Variants in ADRA1A observed in about 807,000 individuals in gnomAD.
The protein encoded by ADRA1A is adrenoceptor alpha 1A.
A neutral mutation model predicts 29.6 loss-of-function variants in ADRA1A; 31 were observed. That is an observed-to-expected ratio of 1.05 (90% CI 0.79 to 1.41). ADRA1A has a LOEUF of 1.41. Ranked by LOEUF, ADRA1A falls within the 40% of genes most tolerant of loss-of-function variation. ADRA1A has a pLI of 0.00. For synonymous variants in ADRA1A, 311 were observed against 254.3 expected, an observed-to-expected ratio of 1.22 and a Z score of -2.12; for missense variants, 619 against 601.1, an observed-to-expected ratio of 1.03 and a Z score of -0.31.
chr8:26,817,254 A>T (rs1451181647), intron 2 of ADRA1A, among the ~76,000 whole-genome samples: 1 of 152,270 alleles, frequency 6.6e-6, no homozygotes, highest in Non-Finnish European at 1.5e-5. Flanking sequence ...CACCAAAAAG[A>T]TAAGCAAATG....
chr8:26,798,064 C>T (rs902563261), intron 2 of ADRA1A, among the ~76,000 whole-genome samples: 6 of 151,948 alleles, frequency 3.9e-5, no homozygotes, highest in Non-Finnish European at 8.8e-5. Context: ...CTGCAACCTC[C>T]GCCTCCCAGG....
chr8:26,838,655 C>T (rs1811569022), intron 2 of ADRA1A, among the ~76,000 whole-genome samples: 2 of 152,110 alleles, frequency 1.3e-5, no homozygotes, highest in Non-Finnish European at 2.9e-5. Flanking sequence ...AGGAAGCTTC[C>T]CAATGGCACA....
chr8:26,785,547 A>AT (rs11416292), intron 2 of ADRA1A, among the ~76,000 whole-genome samples: 50,702 of 151,320 alleles, frequency 0.34, 9,784 homozygotes, highest in East Asian at 0.84. Flanking sequence ...TGACACATTG[A>AT]TTTTTTTTTC....
At chr8:26,764,288 A>T (rs1805659154), downstream of ADRA1A, among the ~76,000 whole-genome samples, 1 of 152,194 alleles carries the variant, frequency 6.6e-6, no homozygotes, top group Non-Finnish European at 1.5e-5. Flanking sequence ...GGAGCAAACC[A>T]AGAGCCTCCT....
At chr8:26,849,574 A>C (rs1166829834) in intron 2 of ADRA1A, among the ~76,000 whole-genome samples, 1 of 152,224 alleles carries the variant, frequency 6.6e-6, no homozygotes, top group African/African-American at 2.4e-5. Flanking sequence ...CAACAAAGAC[A>C]ATCCATTTCC....
rs1808930293 is a variant in ADRA1A at position 26,805,820 on chromosome 8, A to AT, written c.884-35155dup. On this transcript the variant is annotated intron_variant, in intron 2 of 2. Coordinates refer to ENST00000380573, the MANE Select transcript of ADRA1A (RefSeq NM_000680.4). The surrounding 1 kb of genome is among the most constrained non-coding windows in gnomAD (Gnocchi z 4.8). ...TACTTGAACACATTTATTTTTAACC[A>AT]TTTTCCCCCCCACATAGATTTGGCA... is the stretch of plus-strand genomic sequence containing the variant. Among the ~76,000 whole-genome samples, 1 of 152,110 alleles carries AT rather than the reference A, an allele frequency of 6.6e-6. No individual in the cohort carries two copies. The highest frequency in any genetic ancestry group is 1.5e-5 in the Non-Finnish European group (1 of 68,030).
chr8:26,842,190 G>A (rs754181563), intron 2 of ADRA1A, among the ~76,000 whole-genome samples: 3 of 152,144 alleles, frequency 2.0e-5, no homozygotes, highest in Non-Finnish European at 4.4e-5. Context: ...TAGCCATATG[G>A]AGCTATGGAG....
chr8:26,830,491 T>G (rs1810895812), intron 2 of ADRA1A, among the ~76,000 whole-genome samples: 2 of 152,114 alleles, frequency 1.3e-5, no homozygotes, highest in Admixed American at 1.3e-4. Flanking sequence ...TAAATGGCCA[T>G]GAAAAGATGA....
chr8:26,757,032 C>T lies in ADRA1A; in HGVS notation c.1270-253G>A, dbSNP rs150205883. 4.1e-4 allele frequency: 291 copies of T among 707,672 alleles called. 2 individuals are homozygous for T. In the African/African-American group the frequency reaches 4.7e-3, roughly 11 times the overall value. The allele number at this position is 707,672 out of a possible 1,614,324, so 43.8% of individuals were successfully genotyped here. On this transcript the variant is annotated intron_variant, in intron 2 of 2. Coordinates refer to the ADRA1A transcript ENST00000380582. ...GATGATGCTTTTGGTCTTCTTTCTC[C>T]AAACACTGAAAGAACTGAATACTCT...
intron 2 of ADRA1A, among the ~76,000 whole-genome samples, chr8:26,802,325 A>G (rs1005561846): frequency 6.6e-6 from 1 of 152,208 alleles, no homozygotes; most frequent in Non-Finnish European, 1.5e-5. Context: ...CAAACTATCC[A>G]TCTAAAAAGA....
At chr8:26,772,663 C>A (rs941700955) in intron 2 of ADRA1A, among the ~76,000 whole-genome samples, 1 of 152,078 alleles carries the variant, frequency 6.6e-6, no homozygotes, top group Non-Finnish European at 1.5e-5. Flanking sequence ...CTATCAGAGC[C>A]GTGACAAATT....
At chr8:26,863,942 AGGG>A in intron 2 of ADRA1A, 142 bp downstream of exon 2, 2 of 820,356 alleles carry the variant, frequency 2.4e-6, no homozygotes, top group Admixed American at 3.2e-5. Flanking sequence ...CTTTTCTACA[AGGG>A]AGCCTTTTCT....
At position 26,831,988 on chromosome 8, in the gene ADRA1A, A is replaced by C. The variant is rs1322335338; in HGVS notation, c.883+32099T>G. On this transcript the variant is annotated intron_variant, in intron 2 of 2. Coordinates refer to ENST00000380573, the MANE Select transcript of ADRA1A (RefSeq NM_000680.4). The surrounding 1 kb of genome is among the most constrained non-coding windows in gnomAD (Gnocchi z 5.2). ...CAGAGGCCTGCTGGTCTCACCCCAC[A>C]TTTCTCATCCATTTAGAGGAAGGAG... 6.6e-6 allele frequency among the ~76,000 whole-genome samples: 1 copy of C among 152,156 alleles called. No homozygotes were observed. Among genetic ancestry groups the C allele is most frequent in the African/African-American group, 2.4e-5 (1 of 41,434 alleles).
At chr8:26,765,751 T>C, downstream of ADRA1A, 3 of 1,121,340 alleles carry the variant, frequency 2.7e-6, no homozygotes, top group Non-Finnish European at 3.3e-6. Context: ...TCAACAAGTA[T>C]TCACACACAG....
downstream of ADRA1A, chr8:26,765,745 C>T: frequency 9.3e-7 from 1 of 1,072,996 alleles, no homozygotes. Flanking sequence ...ATTAAGTCAA[C>T]AAGTATTCAC....
intron 2 of ADRA1A, among the ~76,000 whole-genome samples, chr8:26,791,529 A>C (rs1807835081): frequency 6.6e-6 from 1 of 152,084 alleles, no homozygotes; most frequent in Admixed American, 6.6e-5. Context: ...AGCTGATCTA[A>C]TTTTCCCATG....
At position 26,750,588 on chromosome 8, in the gene ADRA1A, T is replaced by G. The variant is rs117208187; in HGVS notation, c.1270-1840A>C. ...ACTTCCCAAAGGCCCCACCTCCAAA[T>G]AGTTTTACAATGGGAAAGATGTTTT... On this transcript the variant is annotated intron_variant, in intron 2 of 2. Coordinates refer to the ADRA1A transcript ENST00000380586. 6.4e-3 allele frequency among the ~76,000 whole-genome samples: 972 copies of G among 152,308 alleles called. 4 individuals are homozygous for G. The highest frequency in any genetic ancestry group is 8.4e-3 in the Non-Finnish European group (568 of 68,020).
chr8:26,786,107 G>A (rs1167333807), intron 2 of ADRA1A, among the ~76,000 whole-genome samples: 1 of 152,176 alleles, frequency 6.6e-6, no homozygotes, highest in Non-Finnish European at 1.5e-5. Context: ...ACTCTTAGAT[G>A]AAGCCCAACG....
In ADRA1A at chr8:26,821,599, C is replaced by G. The variant is rs895949525; in HGVS notation, c.883+42488G>C. Among the ~76,000 whole-genome samples the G allele has an allele frequency of 6.6e-6, 1 of 152,176 alleles. No homozygotes were observed. The highest frequency in any genetic ancestry group is 1.5e-5 in the Non-Finnish European group (1 of 68,032). ...TTGGAGGGGGCAAACATTCAAACCA[C>G]ATTACCAGGTTTCATCCAATGGCAA... is the stretch of plus-strand genomic sequence containing the variant. On this transcript the variant is annotated intron_variant, in intron 2 of 2. Coordinates refer to ENST00000380573, the MANE Select transcript of ADRA1A (RefSeq NM_000680.4). The surrounding 1 kb of genome is among the most constrained non-coding windows in gnomAD (Gnocchi z 5.6).
Sources: allele counts gnomAD v4.1 joint callset (sites outside exome capture counted in the v4.1 genomes callset), GRCh38; gene constraint gnomAD v4.1.1; non-coding constraint Gnocchi (gnomAD v3.1); transcripts MANE v1.5; gene names NCBI Gene and HGNC (gene_info 2026-07-23, HGNC 2026-07-21).